Variants in TCF7L2 observed in about 807,000 individuals in gnomAD.
TCF7L2 encodes the protein transcription factor 7-like 2.
In TCF7L2, 23 loss-of-function variants were observed where a neutral mutation model predicts 77.9. That is an observed-to-expected ratio of 0.30 (90% CI 0.21 to 0.42). The LOEUF (loss-of-function observed/expected upper bound fraction) is 0.42, where lower values mean the gene tolerates loss of function less well. TCF7L2 is among the 10% of genes least tolerant of loss of function. TCF7L2 has a pLI of 1.00. For synonymous variants in TCF7L2, 413 were observed against 340.2 expected (o/e 1.21, Z -2.36); for missense variants, 654 against 793.1 (o/e 0.82, Z 2.11).
intron 4 of TCF7L2, among the ~76,000 whole-genome samples, chr10:112,989,676 T>C (rs552262106): frequency 6.6e-6 from 1 of 152,290 alleles, no homozygotes; most frequent in South Asian, 2.1e-4. Context: ...AGGATGGCAG[T>C]CCTTGCTTGC....
At chr10:113,099,195 A>G (rs1437998809) in intron 5 of TCF7L2, among the ~76,000 whole-genome samples, 3 of 152,128 alleles carry the variant, frequency 2.0e-5, no homozygotes, top group Admixed American at 6.5e-5. Context: ...AAAGAAAAAA[A>G]TAGCCAGGGA....
At chr10:113,094,627 A>G (rs2060748478) in intron 5 of TCF7L2, among the ~76,000 whole-genome samples, 1 of 152,258 alleles carries the variant, frequency 6.6e-6, no homozygotes, top group South Asian at 2.1e-4. Flanking sequence ...ACTTCCTCTC[A>G]GTCTTTTAAA....
At chr10:113,108,724 C>T (rs1478030366) in intron 5 of TCF7L2, among the ~76,000 whole-genome samples, 1 of 152,184 alleles carries the variant, frequency 6.6e-6, no homozygotes, top group Non-Finnish European at 1.5e-5. Flanking sequence ...CCATTTCTTC[C>T]CAGGACTGCC....
At chr10:113,040,513 C>T (rs1307718900) in intron 5 of TCF7L2, among the ~76,000 whole-genome samples, 3 of 152,144 alleles carry the variant, frequency 2.0e-5, no homozygotes, top group Non-Finnish European at 4.4e-5. Flanking sequence ...AAAGGGGGTC[C>T]TGGATTTGAA....
chr10:113,137,692 C>T (rs973377837), intron 5 of TCF7L2, among the ~76,000 whole-genome samples: 4 of 152,200 alleles, frequency 2.6e-5, no homozygotes, highest in South Asian at 2.1e-4. Flanking sequence ...ATTTAAAGAG[C>T]GCCAACATTT....
chr10:113,141,392 A>G, intron 6 of TCF7L2, 76 bp downstream of exon 6: 3 of 1,599,720 alleles, frequency 1.9e-6, no homozygotes, highest in Non-Finnish European at 2.6e-6. Flanking sequence ...CCTCCACAGG[A>G]ACCCCAGGGG....
chr10:113,158,168 C>G (rs2072357228), intron 12 of TCF7L2, 99 bp downstream of exon 12: 1 of 1,327,106 alleles, frequency 7.5e-7, no homozygotes, highest in African/African-American at 1.5e-5. Flanking sequence ...AATTCAAGGC[C>G]AGGACATTGT....
intron 4 of TCF7L2, among the ~76,000 whole-genome samples, chr10:113,029,744 CACACA>C (rs1228579900): frequency 6.6e-6 from 1 of 151,952 alleles, no homozygotes; most frequent in Non-Finnish European, 1.5e-5. Context: ...TCAGTCTGGT[CACACA>C]AACTCCTGAC....
chr10:112,969,553 C>T (rs959663581), intron 4 of TCF7L2, among the ~76,000 whole-genome samples: 1 of 152,232 alleles, frequency 6.6e-6, no homozygotes, highest in Non-Finnish European at 1.5e-5. Flanking sequence ...TTGCACTGAC[C>T]TTCTGAGAGA....
intron 5 of TCF7L2, among the ~76,000 whole-genome samples, chr10:113,135,830 A>C (rs1448129877): frequency 6.6e-6 from 1 of 152,182 alleles, no homozygotes; most frequent in Non-Finnish European, 1.5e-5. Flanking sequence ...TTTGGGGTTT[A>C]GGGGCAATAT....
rs771386581 is a variant in TCF7L2, at chr10:113,165,905, ATTC to A, written c.1743_1745del (p.Ser582del). 6.3e-7 allele frequency: 1 copy of A among 1,590,310 alleles called. No individual in the cohort carries two copies. The highest frequency in any genetic ancestry group is 1.1e-5 in the South Asian group (1 of 88,858). ...GCACAGCCGTCGACTTCTTCCTTAC[ATTC>A]CCACAGCTCCCTGGCCGGGACCCAG... On this transcript the variant is annotated inframe_deletion, in exon 14 of 14. Coordinates refer to ENST00000627217, the MANE Select transcript of TCF7L2 (RefSeq NM_001146274.2).
intron 4 of TCF7L2, among the ~76,000 whole-genome samples, chr10:112,981,795 GT>G (rs1330507348): frequency 6.6e-6 from 1 of 152,150 alleles, no homozygotes; most frequent in Non-Finnish European, 1.5e-5. Flanking sequence ...TCTGACTTCT[GT>G]TTTGGTCATG....
At chr10:113,038,186 C>A (rs184800185) in intron 4 of TCF7L2, among the ~76,000 whole-genome samples, 77 of 152,194 alleles carry the variant, frequency 5.1e-4, no homozygotes, top group South Asian at 1.0e-3. Context: ...ACAAGTCCTT[C>A]AGTGTTTGGG....
At chr10:113,001,770 G>A (rs2044531889) in intron 4 of TCF7L2, among the ~76,000 whole-genome samples, 1 of 152,194 alleles carries the variant, frequency 6.6e-6, no homozygotes, top group African/African-American at 2.4e-5. Context: ...TGAGTGTTGA[G>A]TGATGATTAA....
intron 5 of TCF7L2, among the ~76,000 whole-genome samples, chr10:113,066,110 C>A (rs1025456185): frequency 1.3e-5 from 2 of 152,152 alleles, no homozygotes; most frequent in Non-Finnish European, 2.9e-5. Context: ...TGCCTGTAAT[C>A]CCAGCACTTT....
intron 5 of TCF7L2, among the ~76,000 whole-genome samples, chr10:113,115,348 C>T (rs897806438): frequency 6.6e-6 from 1 of 152,220 alleles, no homozygotes; most frequent in Non-Finnish European, 1.5e-5. Flanking sequence ...ACCAAATATA[C>T]ATTTTGAAAA....
chr10:112,959,211 C>T (rs748733775), intron 3 of TCF7L2, among the ~76,000 whole-genome samples: 4 of 151,726 alleles, frequency 2.6e-5, no homozygotes, highest in Non-Finnish European at 4.4e-5. Context: ...AGTGGAGAAA[C>T]GATGAACATA....
At chr10:112,987,315 A>G (rs116425467) in intron 4 of TCF7L2, among the ~76,000 whole-genome samples, 91 of 152,258 alleles carry the variant, frequency 6.0e-4, no homozygotes, top group African/African-American at 2.2e-3. Flanking sequence ...GCATAGTAAA[A>G]CTGTCTCCCT....
Position 112,950,665 on chromosome 10 carries a change from T to G in TCF7L2, c.-92T>G, listed in dbSNP as rs547308243. The G allele has an allele frequency of 2.5e-5, 36 of 1,437,616 alleles. No homozygotes were observed. The East Asian group carries it at 3.8e-4, about 15-fold the overall frequency. 89.1% of individuals were successfully genotyped at this position (1,437,616 alleles called of 1,614,324 possible). A position where few individuals can be genotyped will look rare whatever the true frequency, so the allele number is the denominator to read the frequency against. On this transcript the variant is annotated 5_prime_UTR_variant, in exon 1 of 14. Transcript: ENST00000627217. ...CTCGTCTTTTTCTTGCAATATTTTT[T>G]GGGGGGGCAAAACTTTTTGGGGGTG...
Sources: gnomAD v4.1 joint callset for allele counts (sites outside exome capture counted in the v4.1 genomes callset) on GRCh38, gnomAD v4.1.1 for gene constraint, MANE v1.5 for transcripts, NCBI Gene and HGNC (gene_info 2026-07-23, HGNC 2026-07-21) for gene names.